CKMT2: variants seen among roughly 807,000 people sequenced by gnomAD.
CKMT2 encodes creatine kinase, mitochondrial 2, also known as creatine kinase S-type, mitochondrial.
A neutral mutation model predicts 48.9 loss-of-function variants in CKMT2; 43 were observed. The observed-to-expected ratio is 0.88, with a 90% CI of 0.69 to 1.13. The LOEUF is 1.13. Among genes scored for constraint, CKMT2 ranks in the 50% most tolerant of loss-of-function variants. The pLI is 0.00. For missense variants in CKMT2, 472 were observed against 555.4 expected, an observed-to-expected ratio of 0.85 and a Z score of 1.51; for synonymous variants, 206 against 213.0, an observed-to-expected ratio of 0.97 and a Z score of 0.29.
At chr5:81,258,739 G>A (rs1236259922) in intron 7 of CKMT2, among the ~76,000 whole-genome samples, 2 of 152,202 alleles carry the variant, frequency 1.3e-5, no homozygotes, top group Non-Finnish European at 2.9e-5. Context: ...AACTGCGCAT[G>A]TGAGGGATCT....
At position 81,266,331 on chromosome 5, in the gene CKMT2, T is replaced by TAAA. The variant is rs1757385050; in HGVS notation, c.*73_*74insAAA. On this transcript the variant is annotated 3_prime_UTR_variant, in exon 10 of 10. Coordinates refer to ENST00000254035, the MANE Select transcript of CKMT2 (RefSeq NM_001099735.2). Reference sequence around the variant, plus strand: ...ACATAAATCTCTACTCTGAGAGTTTTTATACACTTGGAAAAATATAAAATT... The same window carrying TAAA: ...ACATAAATCTCTACTCTGAGAGTTTTAAATATACACTTGGAAAAATATAAAATT... The TAAA allele has an allele frequency of 7.0e-7, 1 of 1,436,262 alleles. No individual in the cohort carries two copies. Among genetic ancestry groups the TAAA allele is most frequent in the Non-Finnish European group, 9.6e-7 (1 of 1,039,926 alleles). The allele number at this position is 1,436,262 out of a possible 1,614,324, so 89.0% of individuals were successfully genotyped here.
chr5:81,257,053 A>G (rs1757036006), intron 6 of CKMT2, 53 bp downstream of exon 6: 2 of 1,434,116 alleles, frequency 1.4e-6, no homozygotes, highest in East Asian at 2.3e-5. Context: ...TGTTTTTGAG[A>G]TCACCTGCTT....
At chr5:81,258,236 T>C (rs1018052095) in intron 7 of CKMT2, among the ~76,000 whole-genome samples, 1 of 151,102 alleles carries the variant, frequency 6.6e-6, no homozygotes, top group African/African-American at 2.5e-5. Context: ...ACGCCCAGCC[T>C]CAAGGCATTT....
chr5:81,256,673 CTAGAATCACCTGAAGAGTTTT>C (rs1757022377), intron 5 of CKMT2, among the ~76,000 whole-genome samples: 1 of 152,208 alleles, frequency 6.6e-6, no homozygotes, highest in African/African-American at 2.4e-5. Flanking sequence ...TAGCTGCAAA[CTAGAATCACCTGAAGAGTTTT>C]TAAAACGTCC....
Position 81,251,180 on chromosome 5 carries a change from G to A in CKMT2, c.48G>A (p.Leu16=). The A allele has an allele frequency of 6.2e-7, 1 of 1,614,118 alleles. No homozygotes were observed. The highest frequency in any genetic ancestry group is 8.5e-7 in the Non-Finnish European group (1 of 1,180,000). Residue 16 remains leucine, a synonymous_variant, in exon 2 of 10, where the codon CTG becomes CTA. Transcript: ENST00000254035. The part of the protein sequence containing the change: ...SKLLTGRNAS[L]LFATMGTSVL... ...TGCTAACTGGCCGCAATGCTTCTCTGCTGTTTGCTACCATGGGCACCAGTG... is the reference window on the plus strand; with the variant it reads ...TGCTAACTGGCCGCAATGCTTCTCTACTGTTTGCTACCATGGGCACCAGTG...
chr5:81,255,232 C>T lies in CKMT2; in HGVS notation c.669+18C>T, dbSNP rs769724253. 1.9e-6 allele frequency: 3 copies of T among 1,608,708 alleles called. No individual in the cohort carries two copies. In the South Asian group the frequency reaches 3.3e-5, roughly 18 times the overall value. Reference sequence around the variant, plus strand: ...TCATCGATGTGAGTAGCAGATGGGGCTCCCTGGGGAAGGACTGGACCAAGG... The same window carrying T: ...TCATCGATGTGAGTAGCAGATGGGGTTCCCTGGGGAAGGACTGGACCAAGG... On this transcript the variant is annotated intron_variant, in intron 5 of 9. Coordinates refer to ENST00000254035, the MANE Select transcript of CKMT2 (RefSeq NM_001099735.2).
intron 1 of CKMT2, among the ~76,000 whole-genome samples, chr5:81,234,752 C>T (rs368440626): frequency 1.1e-4 from 17 of 152,004 alleles, no homozygotes; most frequent in South Asian, 8.3e-4. Flanking sequence ...TGGGTTGGGT[C>T]GGGGGGAGTA....
intron 9 of CKMT2, among the ~76,000 whole-genome samples, chr5:81,265,163 AG>A (rs1482279964): frequency 6.6e-6 from 1 of 152,192 alleles, no homozygotes; most frequent in Non-Finnish European, 1.5e-5. Flanking sequence ...GTTTTCTACC[AG>A]ATTTATACCA....
At chr5:81,259,927 T>C (rs1199313705) in intron 8 of CKMT2, among the ~76,000 whole-genome samples, 1 of 152,218 alleles carries the variant, frequency 6.6e-6, no homozygotes, top group East Asian at 1.9e-4. Context: ...TACATTCTTC[T>C]CAGCATCACA....
intron 3 of CKMT2, 55 bp downstream of exon 3, chr5:81,252,948 A>C: frequency 1.9e-6 from 3 of 1,574,068 alleles, no homozygotes; most frequent in Middle Eastern, 3.9e-4. Flanking sequence ...GATATGACTG[A>C]CTTGCACAGT....
intron 1 of CKMT2, among the ~76,000 whole-genome samples, chr5:81,243,611 T>C (rs1190372408): frequency 6.6e-6 from 1 of 152,172 alleles, no homozygotes. Context: ...GGCTAGCTAC[T>C]GTGTCCTGAT....
chr5:81,234,021 TAAAAAA>T (rs536455571), intron 1 of CKMT2, among the ~76,000 whole-genome samples: 9 of 91,932 alleles, frequency 9.8e-5, no homozygotes, highest in African/African-American at 1.3e-4. Context: ...GGAGGTTAAT[TAAAAAA>T]AAAAAAAAAA....
chr5:81,250,890 C>T, intron 1 of CKMT2: 1 of 311,488 alleles, frequency 3.2e-6, no homozygotes, highest in Non-Finnish European at 5.9e-6. Context: ...TCTAAAACTA[C>T]CCAGATTTTC....
chr5:81,243,337 C>CACCAGG (rs1371288914), intron 1 of CKMT2, among the ~76,000 whole-genome samples: 3 of 152,170 alleles, frequency 2.0e-5, no homozygotes, highest in Non-Finnish European at 4.4e-5. Flanking sequence ...GGGATTGAGG[C>CACCAGG]ACCAGGCTGT....
chr5:81,261,201 T>C (rs1320084883), intron 8 of CKMT2, among the ~76,000 whole-genome samples: 5 of 152,314 alleles, frequency 3.3e-5, no homozygotes, highest in South Asian at 2.1e-4. Flanking sequence ...AAACTAGGTA[T>C]TGATGGAACA....
At chr5:81,248,648 T>C (rs1202965924) in intron 1 of CKMT2, among the ~76,000 whole-genome samples, 1 of 152,250 alleles carries the variant, frequency 6.6e-6, no homozygotes, top group East Asian at 1.9e-4. Context: ...AAATGACCAA[T>C]TTATATCTTG....
intron 8 of CKMT2, among the ~76,000 whole-genome samples, chr5:81,260,401 GAC>G (rs1757173203): frequency 6.6e-6 from 1 of 151,976 alleles, no homozygotes; most frequent in Non-Finnish European, 1.5e-5. Flanking sequence ...GAGACACAAA[GAC>G]ACAAAAAAAC....
intron 3 of CKMT2, among the ~76,000 whole-genome samples, chr5:81,253,272 G>A (rs547663197): frequency 1.3e-4 from 20 of 152,248 alleles, no homozygotes; most frequent in African/African-American, 4.1e-4. Context: ...GGTGGGGGTC[G>A]GGAGGAGGGT....
intron 7 of CKMT2, among the ~76,000 whole-genome samples, chr5:81,258,396 G>A (rs2112817367): frequency 6.6e-6 from 1 of 152,266 alleles, no homozygotes; most frequent in East Asian, 1.9e-4. Flanking sequence ...ATATCGCTCT[G>A]AGCTATTCTA....
Sources: gnomAD v4.1 joint callset for allele counts (sites outside exome capture counted in the v4.1 genomes callset) on GRCh38, gnomAD v4.1.1 for gene constraint, MANE v1.5 for transcripts, NCBI Gene and HGNC (gene_info 2026-07-23, HGNC 2026-07-21) for gene names.